Variants in OTUD7A observed in about 807,000 individuals in gnomAD.
OTUD7A encodes OTU deubiquitinase 7A, also known as OTU domain-containing protein 7A.
A neutral mutation model predicts 65.7 loss-of-function variants in OTUD7A; 12 were observed. The observed-to-expected ratio is 0.18, with a 90% CI of 0.12 to 0.30. The LOEUF is 0.30. OTUD7A is among the 10% of genes least tolerant of loss of function. OTUD7A has a pLI of 1.00. For synonymous variants in OTUD7A, 641 were observed against 586.3 expected (o/e 1.09, Z -1.35); for missense variants, 1,148 against 1,304.8 (o/e 0.88, Z 1.85).
At chr15:31,539,754 GAA>G (rs1887930037) in intron 5 of OTUD7A, among the ~76,000 whole-genome samples, 1 of 152,160 alleles carries the variant, frequency 6.6e-6, no homozygotes, top group Non-Finnish European at 1.5e-5. Context: ...AAATGATTCA[GAA>G]AAAGTGTATG....
chr15:31,678,036 A>G (rs1892631656), intron 1 of OTUD7A, among the ~76,000 whole-genome samples: 2 of 152,194 alleles, frequency 1.3e-5, no homozygotes, highest in African/African-American at 4.8e-5. Flanking sequence ...TGGGAACTGG[A>G]GCAAAGGTGA....
At chr15:31,568,668 T>C (rs1382095501) in intron 4 of OTUD7A, among the ~76,000 whole-genome samples, 1 of 152,214 alleles carries the variant, frequency 6.6e-6, no homozygotes, top group East Asian at 1.9e-4. Context: ...CAATCCGCCA[T>C]CTTGGAGGTA....
At chr15:31,766,534 C>T in intron 1 of OTUD7A, 1 of 1,613,112 alleles carries the variant, frequency 6.2e-7, no homozygotes, top group Non-Finnish European at 8.5e-7. Flanking sequence ...AGTTCACTTT[C>T]CATAGCTGTT....
At chr15:31,625,198 G>A (rs1307062419) in intron 3 of OTUD7A, among the ~76,000 whole-genome samples, 1 of 152,166 alleles carries the variant, frequency 6.6e-6, no homozygotes, top group Admixed American at 6.5e-5. Context: ...CCCTGCGAGT[G>A]GGGATGGAAG....
chr15:31,702,756 A>C (rs1893241876), intron 1 of OTUD7A, among the ~76,000 whole-genome samples: 1 of 151,706 alleles, frequency 6.6e-6, no homozygotes, highest in Admixed American at 6.6e-5. Flanking sequence ...AGTTATTGTA[A>C]TATTTATATG....
intron 5 of OTUD7A, among the ~76,000 whole-genome samples, chr15:31,548,845 T>A (rs1433863309): frequency 6.6e-6 from 1 of 151,638 alleles, no homozygotes; most frequent in Non-Finnish European, 1.5e-5. Context: ...CCATCAAGAG[T>A]AGAATTCTGG....
intron 1 of OTUD7A, among the ~76,000 whole-genome samples, chr15:31,844,952 G>A: frequency 6.6e-6 from 1 of 152,160 alleles, no homozygotes; most frequent in African/African-American, 2.4e-5. Flanking sequence ...CACTGGCAGA[G>A]CTCCCATAAG....
At chr15:31,832,746 G>A (rs1896965468) in intron 1 of OTUD7A, among the ~76,000 whole-genome samples, 1 of 152,168 alleles carries the variant, frequency 6.6e-6, no homozygotes, top group Admixed American at 6.5e-5. Flanking sequence ...ATGTCCTTGA[G>A]GTTCATGCAT....
intron 3 of OTUD7A, among the ~76,000 whole-genome samples, chr15:31,610,605 A>ATTT (rs1472216504): frequency 2.6e-5 from 1 of 38,678 alleles, no homozygotes; most frequent in Non-Finnish European, 4.8e-5. Flanking sequence ...ATATATATAT[A>ATTT]TATATATATA....
chr15:31,856,177 C>G (rs1452054901), intron 1 of OTUD7A, among the ~76,000 whole-genome samples: 1 of 152,158 alleles, frequency 6.6e-6, no homozygotes. Context: ...GTTAAAATAG[C>G]ATGTATTGTA....
intron 3 of OTUD7A, among the ~76,000 whole-genome samples, chr15:31,628,091 G>A (rs1387315603): frequency 6.6e-6 from 1 of 152,114 alleles, no homozygotes; most frequent in African/African-American, 2.4e-5. Flanking sequence ...AAGCTCTTTA[G>A]CTTAATTAGA....
At chr15:31,629,244 C>T (rs145321524) in intron 3 of OTUD7A, among the ~76,000 whole-genome samples, 5,578 of 152,094 alleles carry the variant, frequency 0.037, 357 homozygotes, top group African/African-American at 0.13. Context: ...ATAGATAGCT[C>T]TTAATATTTT....
At chr15:31,618,648 C>T (rs910969799) in intron 3 of OTUD7A, among the ~76,000 whole-genome samples, 5 of 151,828 alleles carry the variant, frequency 3.3e-5, no homozygotes, top group Non-Finnish European at 4.4e-5. Flanking sequence ...TAAATTTGTT[C>T]GAGTTCTTTG....
chr15:31,570,012 C>T lies in OTUD7A; in HGVS notation c.331+6G>A, dbSNP rs200190777. The T allele has an allele frequency of 3.5e-4, 563 of 1,613,354 alleles. No individual in the cohort carries two copies. Among genetic ancestry groups the T allele is most frequent in the Non-Finnish European group, 3.8e-4 (452 of 1,179,960 alleles). ...GCTGTGCCTAGGCTCAGTCCCTCAG[C>T]GGTACCTTGGGCAATGTCGTCCTGC... On this transcript the variant is annotated splice_donor_region_variant and intron_variant, in intron 4 of 12. Transcript: ENST00000307050.
chr15:31,533,092 T>C (rs184634558), intron 5 of OTUD7A, among the ~76,000 whole-genome samples: 124 of 151,846 alleles, frequency 8.2e-4, no homozygotes, highest in African/African-American at 2.6e-3. Context: ...AAATACATCA[T>C]AGTCAAACTT....
intron 8 of OTUD7A, among the ~76,000 whole-genome samples, chr15:31,519,141 TGC>T (rs1555392673): frequency 1.4e-5 from 2 of 146,496 alleles, no homozygotes; most frequent in Admixed American, 1.4e-4. Context: ...TGTGTGTGTG[TGC>T]ACGCACGCGC....
chr15:31,674,362 A>G (rs34734827), intron 1 of OTUD7A, among the ~76,000 whole-genome samples: 10 of 152,284 alleles, frequency 6.6e-5, no homozygotes, highest in African/African-American at 2.4e-4. Flanking sequence ...GCTGATGAGA[A>G]TTTCAGAAGA....
At chr15:31,727,653 T>C (rs930192343) in intron 1 of OTUD7A, among the ~76,000 whole-genome samples, 1 of 152,198 alleles carries the variant, frequency 6.6e-6, no homozygotes, top group Non-Finnish European at 1.5e-5. Flanking sequence ...AGCTTTGGCC[T>C]TTCCTCCAAG....
intron 4 of OTUD7A, among the ~76,000 whole-genome samples, chr15:31,560,701 A>C (rs1488660168): frequency 6.6e-6 from 1 of 151,994 alleles, no homozygotes; most frequent in Non-Finnish European, 1.5e-5. Flanking sequence ...AATTAAGTAT[A>C]AATAAGCATT....
Sources: allele counts gnomAD v4.1 joint callset (sites outside exome capture counted in the v4.1 genomes callset), GRCh38; gene constraint gnomAD v4.1.1; transcripts MANE v1.5; gene names NCBI Gene and HGNC (gene_info 2026-07-23, HGNC 2026-07-21).